Variants in DYNC2H1 observed in about 807,000 individuals in gnomAD.
DYNC2H1 encodes the protein cytoplasmic dynein 2 heavy chain 1.
Under a neutral mutation model 570.0 loss-of-function variants are expected in DYNC2H1, and 410 were observed. That is an observed-to-expected ratio of 0.72 (90% CI 0.66 to 0.78). The LOEUF (loss-of-function observed/expected upper bound fraction) is 0.78, where lower values mean the gene tolerates loss of function less well. Ranked by LOEUF, DYNC2H1 falls within the 30% of genes least tolerant of loss-of-function variation. The pLI is 0.00. For synonymous variants in DYNC2H1, 1,688 were observed against 1,677.6 expected (o/e 1.01, Z -0.15); for missense variants, 4,865 against 5,046.4 (o/e 0.96, Z 1.09).
In DYNC2H1 at chr11:103,245,320, G is replaced by A. The variant is rs1361746381; in HGVS notation, c.9988G>A (p.Asp3330Asn). The A allele has an allele frequency of 1.9e-6, 3 of 1,573,682 alleles. 1 individual carries two copies. Among genetic ancestry groups the A allele is most frequent in the Non-Finnish European group, 8.6e-7 (1 of 1,158,370 alleles). The change falls in exon 65 of 89, where the codon GAT (aspartate) becomes AAT (asparagine). Residue 3330 changes from aspartate (D) to asparagine (N), a missense_variant. Asp to Asn is a conservative substitution (Grantham distance 23). Transcript: ENST00000375735. The surrounding 1 kb of genome is among the most constrained non-coding windows in gnomAD (Gnocchi z 4.5). ...GAAAACCCTTATTATACAAGAGATG[G>A]ATGGTGTAGAACCTGTTCTTTATCC... is the stretch of plus-strand genomic sequence containing the variant. The part of the protein sequence containing the change: ...FGKTLIIQEM[D>N]GVEPVLYPLL...
chr11:103,320,680 C>T (rs117185706), intron 80 of DYNC2H1, among the ~76,000 whole-genome samples: 2,299 of 152,268 alleles, frequency 0.015, 32 homozygotes, highest in Non-Finnish European at 0.024. Context: ...GATAATCTGA[C>T]TGGATTCAGA....
chr11:103,434,439 T>TTA (rs1555131180), intron 84 of DYNC2H1, among the ~76,000 whole-genome samples: 4 of 137,946 alleles, frequency 2.9e-5, no homozygotes, highest in Non-Finnish European at 4.7e-5. Context: ...TTTTTTTTTT[T>TTA]AAGTCCTCAA....
In DYNC2H1 at chr11:103,257,709, T is replaced by G; in HGVS notation, c.10563T>G (p.Ala3521=). The change falls in exon 69 of 89, where the codon GCT becomes GCG. Residue 3521 remains alanine, a synonymous_variant. Coordinates refer to ENST00000375735, the MANE Select transcript of DYNC2H1 (RefSeq NM_001377.3). ...ATAACATGTACCGTTTTAGTTTGGC[T>G]GCTTTTCTCCGACTTTTCCAACGAG... ...KINNMYRFSL[A]AFLRLFQRAL... The G allele has an allele frequency of 6.2e-7, 1 of 1,609,138 alleles. No individual in the cohort carries two copies. Among genetic ancestry groups the G allele is most frequent in the Non-Finnish European group, 8.5e-7 (1 of 1,177,436 alleles).
intron 21 of DYNC2H1, 48 bp from the exon 22 acceptor site, chr11:103,153,255 A>T: frequency 1.4e-6 from 2 of 1,453,498 alleles, no homozygotes; most frequent in South Asian, 2.9e-5. Context: ...TGAACCCAAA[A>T]TGAAATTTTA....
At chr11:103,278,956 G>T (rs1866021588) in intron 70 of DYNC2H1, among the ~76,000 whole-genome samples, 1 of 152,228 alleles carries the variant, frequency 6.6e-6, no homozygotes, top group Non-Finnish European at 1.5e-5. Context: ...TAGGGTTGCA[G>T]TGGAGAACAA....
At chr11:103,456,476 G>A in intron 87 of DYNC2H1, 120 bp downstream of exon 87, 2 of 629,076 alleles carry the variant, frequency 3.2e-6, no homozygotes, top group Non-Finnish European at 2.5e-6. Flanking sequence ...GAGTTAGATT[G>A]TATTATCTAT....
At position 103,191,564 on chromosome 11, in the gene DYNC2H1, T is replaced by G; in HGVS notation, c.7485T>G (p.Thr2495=). 1 of 1,610,700 alleles carries G rather than the reference T, an allele frequency of 6.2e-7. No individual in the cohort carries two copies. Among genetic ancestry groups the G allele is most frequent in the Non-Finnish European group, 8.5e-7 (1 of 1,178,354 alleles). Residue 2495 remains threonine (T), a synonymous_variant, in exon 46 of 89, where the codon ACT becomes ACG. Coordinates refer to ENST00000375735, the MANE Select transcript of DYNC2H1 (RefSeq NM_001377.3). The stretch of plus-strand genomic sequence containing the variant: ...ATGATTATAGTCACTATTTCTTTAC[T>G]CCTTGCATTCTTACCCAATGGGTTC... ...TVDDYSHYFF[T]PCILTQWVLG... is the part of the protein sequence containing the mutation.
At chr11:103,296,937 T>C (rs993805187) in intron 75 of DYNC2H1, among the ~76,000 whole-genome samples, 3 of 152,112 alleles carry the variant, frequency 2.0e-5, no homozygotes, top group African/African-American at 7.2e-5. Context: ...AGGCTGTTCC[T>C]TTTTACTTTC....
chr11:103,181,923 G>A lies in DYNC2H1; in HGVS notation c.6477+37G>A, dbSNP rs1359132592. ...ATAATATTTCATAATTAATCGAGGT[G>A]AGAAGTATGATTAAGAGTGATGCTT... On this transcript the variant is annotated intron_variant, in intron 40 of 88. Coordinates refer to ENST00000375735, the MANE Select transcript of DYNC2H1 (RefSeq NM_001377.3). The surrounding 1 kb of genome is among the most constrained non-coding windows in gnomAD (Gnocchi z 5.0). The A allele has an allele frequency of 1.3e-6, 2 of 1,584,194 alleles. No individual in the cohort carries two copies. Among genetic ancestry groups the A allele is most frequent in the Non-Finnish European group, 8.6e-7 (1 of 1,162,922 alleles).
intron 76 of DYNC2H1, among the ~76,000 whole-genome samples, chr11:103,304,026 C>A (rs1377232350): frequency 6.6e-6 from 1 of 150,972 alleles, no homozygotes; most frequent in Non-Finnish European, 1.5e-5. Context: ...TTTGTTTGTT[C>A]AGGGTGCCTT....
At chr11:103,198,085 G>A (rs1243713641) in intron 48 of DYNC2H1, 22 bp downstream of exon 48, 2 of 1,547,188 alleles carry the variant, frequency 1.3e-6, no homozygotes, top group Admixed American at 2.0e-5. Context: ...ATCATTAATT[G>A]GAACTGGGAT....
intron 60 of DYNC2H1, 91 bp from the exon 61 acceptor site, chr11:103,233,943 G>A (rs1202729567): frequency 5.3e-6 from 6 of 1,142,230 alleles, no homozygotes; most frequent in East Asian, 4.2e-5. Context: ...TTAAATTATG[G>A]CATAAAAGTT....
rs1275311833 is a variant in DYNC2H1, at chr11:103,157,619, T to C, written c.4127+849T>C. On this transcript the variant is annotated intron_variant, in intron 26 of 88. Coordinates refer to ENST00000375735, the MANE Select transcript of DYNC2H1 (RefSeq NM_001377.3). The surrounding 1 kb of genome is among the most constrained non-coding windows in gnomAD (Gnocchi z 4.2). ...AGCCAAATACCTGTACAGAAGTATA[T>C]CTGTACTTCTATTCTAATGTTCTGT... Among the ~76,000 whole-genome samples, 1 of 152,230 alleles carries C rather than the reference T, an allele frequency of 6.6e-6. No homozygotes were observed. The highest frequency in any genetic ancestry group is 6.5e-5 in the Admixed American group (1 of 15,278).
At chr11:103,320,985 A>C (rs1325927269) in intron 80 of DYNC2H1, 44 bp from the exon 81 acceptor site, 10 of 1,440,912 alleles carry the variant, frequency 6.9e-6, no homozygotes, top group Non-Finnish European at 9.5e-6. Flanking sequence ...AATTTAGTTA[A>C]TATTTTAGAA....
At chr11:103,180,933 A>G (rs1362221356) in intron 39 of DYNC2H1, among the ~76,000 whole-genome samples, 1 of 151,602 alleles carries the variant, frequency 6.6e-6, no homozygotes, top group African/African-American at 2.4e-5. Flanking sequence ...AGTGTCATTT[A>G]TTAATTTGCT....
At chr11:103,397,990 T>C (rs551096246) in intron 83 of DYNC2H1, among the ~76,000 whole-genome samples, 1 of 152,344 alleles carries the variant, frequency 6.6e-6, no homozygotes, top group Admixed American at 6.5e-5. Flanking sequence ...TTGAGTGTTT[T>C]TGTTCTATTA....
chr11:103,230,258 T>C (rs1264038611), intron 59 of DYNC2H1, among the ~76,000 whole-genome samples: 2 of 152,180 alleles, frequency 1.3e-5, no homozygotes, highest in Non-Finnish European at 2.9e-5. Flanking sequence ...TTGTTAGTTA[T>C]TAATCGTGAG....
At chr11:103,182,625 G>A (rs993784227) in intron 40 of DYNC2H1, among the ~76,000 whole-genome samples, 4 of 151,860 alleles carry the variant, frequency 2.6e-5, no homozygotes, top group Non-Finnish European at 4.4e-5. Context: ...GATCACATTT[G>A]ATTTTGGATT....
rs891040224 is a variant in DYNC2H1 at position 103,201,197 on chromosome 11, T to A, written c.8197+1043T>A. On this transcript the variant is annotated intron_variant, in intron 50 of 88. Transcript: ENST00000375735. This position sits in a 1 kb window ranked among gnomAD's most constrained non-coding sequence, Gnocchi z 4.8. Reference sequence around the variant, plus strand: ...AAAAAAGGAACTTATATGTACTTTATGCATCTGTATAATAGAAAAATACCA... The same window carrying A: ...AAAAAAGGAACTTATATGTACTTTAAGCATCTGTATAATAGAAAAATACCA... Among the ~76,000 whole-genome samples, 3 of 152,188 alleles carry A rather than the reference T, an allele frequency of 2.0e-5. No individual in the cohort carries two copies. Among genetic ancestry groups the A allele is most frequent in the African/African-American group, 7.2e-5 (3 of 41,446 alleles).
Sources: allele counts gnomAD v4.1 joint callset (sites outside exome capture counted in the v4.1 genomes callset), GRCh38; gene constraint gnomAD v4.1.1; non-coding constraint Gnocchi (gnomAD v3.1); transcripts MANE v1.5; gene names NCBI Gene and HGNC (gene_info 2026-07-23, HGNC 2026-07-21).